The following UNC13C variants were observed in gnomAD, a reference collection of about 807,000 sequenced individuals.
The protein encoded by UNC13C is unc-13 homolog C, also known as protein unc-13 homolog C.
UNC13C carries 174 observed loss-of-function variants against 245.4 expected under a neutral mutation model. The ratio of observed to expected loss-of-function variants is 0.71; its 90% CI spans 0.63 to 0.80. The LOEUF (loss-of-function observed/expected upper bound fraction) is 0.80. UNC13C is among the 30% of genes least tolerant of loss of function. The pLI, the probability that UNC13C is intolerant of heterozygous loss-of-function variation, is 0.00. For synonymous variants in UNC13C, 992 were observed against 895.1 expected (o/e 1.11, Z -1.93); for missense variants, 2,829 against 2,602.9 (o/e 1.09, Z -1.89).
At chr15:54,475,365 G>A (rs187018480) in intron 19 of UNC13C, among the ~76,000 whole-genome samples, 10 of 151,116 alleles carry the variant, frequency 6.6e-5, no homozygotes, top group Admixed American at 2.0e-4. Context: ...GTGCAGGTTA[G>A]TTACATATGT....
intron 2 of UNC13C, among the ~76,000 whole-genome samples, chr15:54,131,979 G>A (rs1159871867): frequency 6.6e-6 from 1 of 152,052 alleles, no homozygotes; most frequent in Non-Finnish European, 1.5e-5. Flanking sequence ...TGAAGAGTTA[G>A]AGGATCTCTT....
chr15:54,228,767 C>T (rs1314454286), intron 4 of UNC13C, among the ~76,000 whole-genome samples: 2 of 152,132 alleles, frequency 1.3e-5, no homozygotes, highest in Non-Finnish European at 2.9e-5. Flanking sequence ...CCCCTCCTTT[C>T]CTCAAGAAAA....
chr15:54,211,654 T>C (rs988870972), intron 4 of UNC13C, among the ~76,000 whole-genome samples: 31 of 152,184 alleles, frequency 2.0e-4, no homozygotes, highest in Non-Finnish European at 3.7e-4. Flanking sequence ...AAAAGTTCAC[T>C]CCCCAACAAA....
chr15:54,327,784 A>G (rs535166714), intron 14 of UNC13C, among the ~76,000 whole-genome samples: 25 of 152,162 alleles, frequency 1.6e-4, no homozygotes, highest in African/African-American at 5.5e-4. Flanking sequence ...TTTGCTAATT[A>G]CAGGCATGGA....
chr15:54,142,043 G>A (rs2032047234), intron 2 of UNC13C, among the ~76,000 whole-genome samples: 1 of 152,090 alleles, frequency 6.6e-6, no homozygotes, highest in Non-Finnish European at 1.5e-5. Context: ...CTAGCATTTT[G>A]CCAACTTGTA....
intron 23 of UNC13C, among the ~76,000 whole-genome samples, chr15:54,509,900 C>T (rs139323935): frequency 1.1e-4 from 17 of 152,230 alleles, no homozygotes; most frequent in East Asian, 3.9e-4. Flanking sequence ...TGTTTCCCTC[C>T]GGATAACTGC....
In UNC13C at chr15:54,321,979, G is replaced by A. The variant is rs2038173938; in HGVS notation, c.4309G>A (p.Val1437Ile). The change falls in exon 14 of 33, where the codon GTC becomes ATC. Residue 1437 changes from valine to isoleucine, a missense_variant. Physicochemically the swap from Val to Ile is conservative, Grantham distance 29. Transcript: ENST00000260323. ...GTCTTCTAAATACATGTGCCCCGGT[G>A]TCCCTGCCGTCATGAGCACCTTGCT... ...CLSSKYMCPGVPAVMSTLLAN... is the reference protein window; with the variant it reads ...CLSSKYMCPGIPAVMSTLLAN... 6.3e-7 allele frequency: 1 copy of A among 1,586,232 alleles called. No individual in the cohort carries two copies. The highest frequency in any genetic ancestry group is 1.1e-5 in the South Asian group (1 of 87,010).
chr15:53,888,299 G>C, the UNC13C span, among the ~76,000 whole-genome samples: 7 of 152,262 alleles, frequency 4.6e-5, no homozygotes, highest in Admixed American at 2.6e-4. Context: ...TTTCTCTAAT[G>C]ACCAGTGATG....
intron 19 of UNC13C, among the ~76,000 whole-genome samples, chr15:54,448,035 A>C (rs971204570): frequency 2.0e-5 from 3 of 152,176 alleles, no homozygotes; most frequent in African/African-American, 4.8e-5. Context: ...TTATGTACCC[A>C]GTAGTCATTC....
chr15:54,491,877 G>T (rs1192637009), intron 19 of UNC13C, among the ~76,000 whole-genome samples: 1 of 151,842 alleles, frequency 6.6e-6, no homozygotes, highest in South Asian at 2.1e-4. Context: ...GTAAGTCCCA[G>T]CTATTCGGAG....
rs1388065398 is a variant in UNC13C, at chr15:54,455,205, C to CTCTCTCTCTATATA, written c.4934-39402_4934-39401insCTCTCTCTATATAT. ...TCTCTCTCTCTCTCTCTCTCTCTCT[C>CTCTCTCTCTATATA]TATATATATATATATATATATATAT... On this transcript the variant is annotated intron_variant, in intron 19 of 32. Transcript: ENST00000260323. Among the ~76,000 whole-genome samples, 25 of 18,950 alleles carry CTCTCTCTCTATATA rather than the reference C, an allele frequency of 1.3e-3. 1 individual carries two copies. Among genetic ancestry groups the CTCTCTCTCTATATA allele is most frequent in the Non-Finnish European group, 1.7e-3 (18 of 10,824 alleles). 12.4% of individuals were successfully genotyped at this position (18,950 alleles called of 152,430 possible).
chr15:53,975,563 T>C (rs1308973027), upstream of UNC13C, among the ~76,000 whole-genome samples: 8 of 152,254 alleles, frequency 5.3e-5, no homozygotes, highest in Admixed American at 5.2e-4. Context: ...TTATGCTTTT[T>C]CAAGGATTCC....
At chr15:54,091,494 C>T (rs182630187) in intron 2 of UNC13C, among the ~76,000 whole-genome samples, 8 of 152,196 alleles carry the variant, frequency 5.3e-5, no homozygotes, top group African/African-American at 1.2e-4. Context: ...TAAGTCCTTT[C>T]GTATCTACTA....
At chr15:54,130,617 A>T (rs12591542) in intron 2 of UNC13C, among the ~76,000 whole-genome samples, 55,811 of 151,912 alleles carry the variant, frequency 0.37, 10,328 homozygotes, top group Admixed American at 0.39. Context: ...ACAGTATTTT[A>T]TGTGAAAAGA....
In UNC13C at chr15:54,623,971, C is replaced by T; in HGVS notation, c.6359+17C>T. On this transcript the variant is annotated intron_variant, in intron 32 of 32. Coordinates refer to ENST00000260323, the MANE Select transcript of UNC13C (RefSeq NM_001080534.3). Reference sequence around the variant, plus strand: ...ATTTCAGTTGTAAGTCATAAACCCACCTTACTTATTCTACCAGGCAATAGT... The same window carrying T: ...ATTTCAGTTGTAAGTCATAAACCCATCTTACTTATTCTACCAGGCAATAGT... The T allele has an allele frequency of 6.2e-7, 1 of 1,612,452 alleles. No individual in the cohort carries two copies. The highest frequency in any genetic ancestry group is 1.1e-5 in the South Asian group (1 of 91,010).
At chr15:54,310,084 C>CTT (rs1365041573) in intron 13 of UNC13C, among the ~76,000 whole-genome samples, 1 of 151,370 alleles carries the variant, frequency 6.6e-6, no homozygotes, top group Admixed American at 6.6e-5. Flanking sequence ...TGCAACAGTA[C>CTT]TTTTTGACCT....
chr15:54,518,208 C>T lies in UNC13C; in HGVS notation c.5457+6378C>T, dbSNP rs551273140. ...AATAAATATGTTTAATAATTTAGCA[C>T]TACTACCACATAAAGTTTAGCTAAC... is the stretch of plus-strand genomic sequence containing the variant. On this transcript the variant is annotated intron_variant, in intron 24 of 32. Transcript: ENST00000260323. Among the ~76,000 whole-genome samples the T allele has an allele frequency of 3.9e-5, 6 of 152,294 alleles. No homozygotes were observed. In the East Asian group the frequency reaches 7.7e-4, roughly 20 times the overall value.
At position 54,340,110 on chromosome 15, in the gene UNC13C, G is replaced by A. The variant is rs144207201; in HGVS notation, c.4713+1621G>A. On this transcript the variant is annotated intron_variant, in intron 17 of 32. Transcript: ENST00000260323. ...CTTCTTTTGAGAACTGTCTATTCAT[G>A]TCCTTATCCCACTTTCTGATAAGAT... Among the ~76,000 whole-genome samples the A allele has an allele frequency of 4.0e-3, 612 of 152,116 alleles. 26 individuals carry two copies. The East Asian group carries it at 0.087, about 22-fold the overall frequency.
At chr15:54,319,170 A>T (rs1254105619) in intron 13 of UNC13C, among the ~76,000 whole-genome samples, 2 of 151,646 alleles carry the variant, frequency 1.3e-5, no homozygotes, top group Non-Finnish European at 2.9e-5. Context: ...TGACTATGGC[A>T]TTTCTATATC....
Sources: allele counts gnomAD v4.1 joint callset (sites outside exome capture counted in the v4.1 genomes callset), GRCh38; gene constraint gnomAD v4.1.1; transcripts MANE v1.5; gene names NCBI Gene and HGNC (gene_info 2026-07-23, HGNC 2026-07-21).